The following LRFN5 variants were observed in gnomAD, a reference collection of about 807,000 sequenced individuals.
LRFN5 encodes leucine rich repeat and fibronectin type III domain containing 5.
LRFN5 carries 24 observed loss-of-function variants against 45.6 expected under a neutral mutation model. That is an observed-to-expected ratio of 0.53 (90% confidence interval 0.38 to 0.74). The LOEUF (loss-of-function observed/expected upper bound fraction) is 0.74, where lower values mean the gene tolerates loss of function less well. Among genes scored for constraint, LRFN5 ranks in the 30% least tolerant of loss-of-function variants. The pLI, the probability that LRFN5 is intolerant of heterozygous loss-of-function variation, is 0.00. For synonymous variants in LRFN5, 340 were observed against 313.8 expected (o/e 1.08, Z -0.88); for missense variants, 776 against 861.5 (o/e 0.90, Z 1.24).
At chr14:41,643,022 CAG>C (rs1480132203) in intron 1 of LRFN5, among the ~76,000 whole-genome samples, 3 of 152,144 alleles carry the variant, frequency 2.0e-5, no homozygotes, top group African/African-American at 7.2e-5. Flanking sequence ...TTTACATAAT[CAG>C]TGTGAGAGAG....
At chr14:41,657,614 T>G (rs1880440620) in intron 1 of LRFN5, among the ~76,000 whole-genome samples, 1 of 152,010 alleles carries the variant, frequency 6.6e-6, no homozygotes, top group African/African-American at 2.4e-5. Flanking sequence ...CCTTATAATA[T>G]GTGAGAAATA....
At chr14:41,726,589 C>T (rs1883944866) in intron 1 of LRFN5, among the ~76,000 whole-genome samples, 1 of 152,082 alleles carries the variant, frequency 6.6e-6, no homozygotes, top group African/African-American at 2.4e-5. Context: ...TCTACTTAGT[C>T]ATACCTACTC....
At chr14:41,857,730 A>G (rs17781486) in intron 2 of LRFN5, among the ~76,000 whole-genome samples, 1 of 152,228 alleles carries the variant, frequency 6.6e-6, no homozygotes, top group Non-Finnish European at 1.5e-5. Flanking sequence ...ATTACTGTTC[A>G]GTCTTCCAAG....
chr14:41,788,542 A>C (rs2138937757), intron 2 of LRFN5, among the ~76,000 whole-genome samples: 1 of 145,510 alleles, frequency 6.9e-6, no homozygotes, highest in African/African-American at 2.5e-5. Flanking sequence ...TATAAATTTA[A>C]AAAATTATGT....
At chr14:41,646,328 T>A (rs2138608729) in intron 1 of LRFN5, among the ~76,000 whole-genome samples, 1 of 152,284 alleles carries the variant, frequency 6.6e-6, no homozygotes, top group South Asian at 2.1e-4. Context: ...TATTTTTAAG[T>A]TTTATTGCAG....
intron 1 of LRFN5, among the ~76,000 whole-genome samples, chr14:41,689,224 G>A (rs1038114122): frequency 1.3e-5 from 2 of 151,944 alleles, no homozygotes; most frequent in East Asian, 1.9e-4. Flanking sequence ...TATTGAACAC[G>A]GCAAATAGTT....
At chr14:41,891,119 T>G in intron 3 of LRFN5, 131 bp from the exon 4 acceptor site, 1 of 748,494 alleles carries the variant, frequency 1.3e-6, no homozygotes, top group South Asian at 1.7e-5. Flanking sequence ...GATTAGATCA[T>G]TTTTCAATAA....
At chr14:41,892,656 G>C (rs1890824653) in intron 4 of LRFN5, 1 of 983,852 alleles carries the variant, frequency 1.0e-6, no homozygotes. Context: ...TATTCAATTA[G>C]TATACCGAGT....
intron 2 of LRFN5, among the ~76,000 whole-genome samples, chr14:41,858,858 C>G (rs1015818900): frequency 1.1e-4 from 17 of 152,170 alleles, no homozygotes; most frequent in African/African-American, 3.9e-4. Context: ...ATCTGGTTTA[C>G]TCTAGAACTC....
intron 1 of LRFN5, among the ~76,000 whole-genome samples, chr14:41,703,584 C>A (rs1315861309): frequency 1.3e-5 from 2 of 151,386 alleles, no homozygotes; most frequent in African/African-American, 2.4e-5. Flanking sequence ...AAAGTGTTTT[C>A]TTTAAAAAGG....
At chr14:41,743,715 G>C (rs1884802601) in intron 1 of LRFN5, among the ~76,000 whole-genome samples, 1 of 152,104 alleles carries the variant, frequency 6.6e-6, no homozygotes, top group Admixed American at 6.6e-5. Context: ...AAGTTGTTAA[G>C]GTGGTGGATA....
chr14:41,806,117 A>G (rs1318894989), intron 2 of LRFN5, among the ~76,000 whole-genome samples: 1 of 152,132 alleles, frequency 6.6e-6, no homozygotes, highest in Non-Finnish European at 1.5e-5. Context: ...TCACTAGCTC[A>G]TCTTGGCCTT....
intron 2 of LRFN5, among the ~76,000 whole-genome samples, chr14:41,873,993 T>A (rs1890107986): frequency 6.6e-6 from 1 of 152,208 alleles, no homozygotes; most frequent in Non-Finnish European, 1.5e-5. Context: ...ATAAATCATT[T>A]ATTAGATTTG....
At chr14:41,701,144 T>G (rs1327480227) in intron 1 of LRFN5, 1 of 152,174 alleles carries the variant, frequency 6.6e-6, no homozygotes, top group Non-Finnish European at 1.5e-5. Flanking sequence ...TTTTAAAATT[T>G]AGAATATGTT....
At chr14:41,624,494 G>T (rs1594559391) in intron 1 of LRFN5, among the ~76,000 whole-genome samples, 1 of 152,058 alleles carries the variant, frequency 6.6e-6, no homozygotes. Context: ...TAGAAAAATA[G>T]AATCTTTTCC....
At chr14:41,712,070 G>A (rs1436853168) in intron 1 of LRFN5, among the ~76,000 whole-genome samples, 6 of 152,092 alleles carry the variant, frequency 3.9e-5, no homozygotes, top group African/African-American at 1.2e-4. Flanking sequence ...TGACGAGAAC[G>A]GAAGAAATGA....
chr14:41,815,964 T>G (rs1887902558), intron 2 of LRFN5, among the ~76,000 whole-genome samples: 1 of 152,140 alleles, frequency 6.6e-6, no homozygotes, highest in South Asian at 2.1e-4. Context: ...CTTATTATAC[T>G]CTTTTAATTT....
chr14:41,625,251 C>G (rs1888287363), intron 1 of LRFN5, among the ~76,000 whole-genome samples: 2 of 129,974 alleles, frequency 1.5e-5, no homozygotes, highest in South Asian at 2.3e-4. Context: ...ACCCATATAT[C>G]AAGGGTGGGT....
intron 1 of LRFN5, among the ~76,000 whole-genome samples, chr14:41,729,772 G>A (rs1884090357): frequency 6.6e-6 from 1 of 151,816 alleles, no homozygotes; most frequent in Non-Finnish European, 1.5e-5. Context: ...AAAGAAATAT[G>A]TCCAAGTTAA....
Sources: gnomAD v4.1 joint callset for allele counts (sites outside exome capture counted in the v4.1 genomes callset) on GRCh38, gnomAD v4.1.1 for gene constraint, MANE v1.5 for transcripts, NCBI Gene and HGNC (gene_info 2026-07-23, HGNC 2026-07-21) for gene names.